The following PODXL2 variants were observed in gnomAD, a reference collection of about 807,000 sequenced individuals.
PODXL2 encodes podocalyxin-like protein 2.
Under a neutral mutation model 53.4 loss-of-function variants are expected in PODXL2, and 17 were observed. That is an observed-to-expected ratio of 0.32 (90% CI 0.22 to 0.48). The LOEUF (loss-of-function observed/expected upper bound fraction) is 0.48, where lower values mean the gene tolerates loss of function less well. PODXL2 is among the 20% of genes least tolerant of loss of function. PODXL2 has a pLI of 0.99. For synonymous variants in PODXL2, 311 were observed against 306.7 expected, an observed-to-expected ratio of 1.01 and a Z score of -0.15; for missense variants, 673 against 760.0, an observed-to-expected ratio of 0.89 and a Z score of 1.35.
In PODXL2 at chr3:127,629,663, C is replaced by G. The variant is rs891836297; in HGVS notation, c.70+374C>G. Among the ~76,000 whole-genome samples the G allele has an allele frequency of 1.3e-5, 2 of 152,022 alleles. No individual in the cohort carries two copies. Among genetic ancestry groups the G allele is most frequent in the Non-Finnish European group, 2.9e-5 (2 of 67,990 alleles). On this transcript the variant is annotated intron_variant, in intron 1 of 7. Coordinates refer to ENST00000342480, the MANE Select transcript of PODXL2 (RefSeq NM_015720.4). The surrounding 1 kb of genome is among the most constrained non-coding windows in gnomAD (Gnocchi z 6.4). ...GTGTGTGTGCGAGTGCATTGTGTGC[C>G]TGCGCACTCGGGGGAAGAGGCGTGT...
At chr3:127,659,229 C>T (rs929805416) in intron 2 of PODXL2, among the ~76,000 whole-genome samples, 4 of 152,186 alleles carry the variant, frequency 2.6e-5, no homozygotes, top group African/African-American at 9.7e-5. Context: ...CACAGTTGTG[C>T]CTCTTCCTAA....
rs1473078664 is a variant in PODXL2 at position 127,629,615 on chromosome 3, T to A, written c.70+326T>A. ...GGCCGGGGGGGCGCGCACGTGTGGG[T>A]GTGCATGTGTGTGCGTGTGCTTGTG... On this transcript the variant is annotated intron_variant, in intron 1 of 7. Transcript: ENST00000342480. This position sits in a 1 kb window ranked among gnomAD's most constrained non-coding sequence, Gnocchi z 6.4. Among the ~76,000 whole-genome samples, 1 of 151,370 alleles carries A rather than the reference T, an allele frequency of 6.6e-6. No homozygotes were observed. The highest frequency in any genetic ancestry group is 2.4e-5 in the African/African-American group (1 of 41,144).
intron 1 of PODXL2, among the ~76,000 whole-genome samples, chr3:127,633,720 C>A (rs894927586): frequency 2.0e-5 from 3 of 151,958 alleles, no homozygotes; most frequent in Admixed American, 6.6e-5. Flanking sequence ...ACAATGGAGG[C>A]TGTATGAAGG....
At chr3:127,643,927 G>A (rs1469549735) in intron 2 of PODXL2, among the ~76,000 whole-genome samples, 16 of 151,908 alleles carry the variant, frequency 1.1e-4, no homozygotes, top group Non-Finnish European at 2.4e-4. Flanking sequence ...GTGTGAGCCA[G>A]CACGCCTGGC....
At chr3:127,651,023 G>A (rs1323516529) in intron 2 of PODXL2, among the ~76,000 whole-genome samples, 3 of 152,134 alleles carry the variant, frequency 2.0e-5, no homozygotes, top group South Asian at 2.1e-4. Flanking sequence ...CCAACGCTTC[G>A]GGAGGCCGAG....
In PODXL2 at chr3:127,639,141, C is replaced by G; in HGVS notation, c.71-104C>G. ...GTTTTCAGGAGTGTCCACTGAAGTC[C>G]CCCCTTCCCCAGGACCTTTGTCATT... On this transcript the variant is annotated intron_variant, in intron 1 of 7. Transcript: ENST00000342480. 3 of 1,185,772 alleles carry G rather than the reference C, an allele frequency of 2.5e-6. No homozygotes were observed. In the South Asian group the frequency reaches 4.7e-5, roughly 19 times the overall value. The allele number at this position is 1,185,772 out of a possible 1,614,324, so 73.5% of individuals were successfully genotyped here. A position where few individuals can be genotyped will look rare whatever the true frequency, so the allele number is the denominator to read the frequency against.
At chr3:127,663,071 G>T (rs2074777307) in intron 4 of PODXL2, among the ~76,000 whole-genome samples, 1 of 152,194 alleles carries the variant, frequency 6.6e-6, no homozygotes, top group African/African-American at 2.4e-5. Context: ...CTAGGTCAGA[G>T]ACCCTCTGTT....
At chr3:127,644,685 T>C (rs1362640617) in intron 2 of PODXL2, among the ~76,000 whole-genome samples, 1 of 152,188 alleles carries the variant, frequency 6.6e-6, no homozygotes, top group African/African-American at 2.4e-5. Context: ...TAAAAATAGC[T>C]CTCATTCATT....
chr3:127,661,301 T>A (rs1298818336), intron 3 of PODXL2, 142 bp downstream of exon 3: 1 of 642,280 alleles, frequency 1.6e-6, no homozygotes, highest in East Asian at 2.7e-5. Flanking sequence ...CCCATGGAAC[T>A]TGTGGGGATG....
Position 127,649,862 on chromosome 3 carries a change from A to G in PODXL2, c.349+10339A>G, listed in dbSNP as rs144474810. 7.1e-3 allele frequency among the ~76,000 whole-genome samples: 1,088 copies of G among 152,300 alleles called. 12 individuals carry two copies. The highest frequency in any genetic ancestry group is 0.024 in the African/African-American group (978 of 41,568). On this transcript the variant is annotated intron_variant, in intron 2 of 7. Transcript: ENST00000342480. The stretch of plus-strand genomic sequence containing the variant: ...TGAAGCAGGAGAATTGCTTGAACGC[A>G]GGAGACAGAGGCTGCAGTGAGCCCA...
rs187836933 is a variant in PODXL2 at position 127,635,013 on chromosome 3, T to C, written c.71-4232T>C. Reference sequence around the variant, plus strand: ...CGTCTCTCATGTCTACACATCTATGTTTCTGTATCGTCTCTGCTGTTTTGC... The same window carrying C: ...CGTCTCTCATGTCTACACATCTATGCTTCTGTATCGTCTCTGCTGTTTTGC... On this transcript the variant is annotated intron_variant, in intron 1 of 7. Transcript: ENST00000342480. Among the ~76,000 whole-genome samples the C allele has an allele frequency of 3.2e-3, 483 of 152,356 alleles. 1 individual carries two copies. The highest frequency in any genetic ancestry group is 5.0e-3 in the Non-Finnish European group (342 of 68,040).
intron 1 of PODXL2, among the ~76,000 whole-genome samples, chr3:127,630,361 C>T (rs2074535754): frequency 6.6e-6 from 1 of 152,214 alleles, no homozygotes; most frequent in African/African-American, 2.4e-5. Context: ...CATCAGCCAG[C>T]TGTAACTTCA....
intron 4 of PODXL2, among the ~76,000 whole-genome samples, chr3:127,666,491 T>C (rs2074795614): frequency 6.6e-6 from 1 of 152,144 alleles, no homozygotes; most frequent in African/African-American, 2.4e-5. Flanking sequence ...TACTGCAGCC[T>C]CAACTGCCCA....
At chr3:127,648,575 G>T (rs1274126954) in intron 2 of PODXL2, among the ~76,000 whole-genome samples, 1 of 150,854 alleles carries the variant, frequency 6.6e-6, no homozygotes, top group African/African-American at 2.4e-5. Flanking sequence ...CTATAATCCA[G>T]TGATTCAGTC....
chr3:127,633,556 C>T (rs2074560437), intron 1 of PODXL2, among the ~76,000 whole-genome samples: 1 of 151,734 alleles, frequency 6.6e-6, no homozygotes. Flanking sequence ...GACCTTAATC[C>T]CACCAGGCCT....
intron 2 of PODXL2, among the ~76,000 whole-genome samples, chr3:127,639,902 T>C (rs1439634685): frequency 6.6e-6 from 1 of 152,244 alleles, no homozygotes; most frequent in Non-Finnish European, 1.5e-5. Context: ...TTCAGACCTA[T>C]GGCTTTCCAA....
At chr3:127,670,917 C>A (rs973456925) in intron 6 of PODXL2, among the ~76,000 whole-genome samples, 2 of 152,250 alleles carry the variant, frequency 1.3e-5, no homozygotes, top group African/African-American at 4.8e-5. Context: ...AGCTGGGCAG[C>A]CGGGGTGGCC....
In PODXL2 at chr3:127,662,261, C is replaced by A; in HGVS notation, c.1156C>A (p.Leu386Met). ...TQVICKDWSN[L>M]AGKNYIILNM... is the part of the protein sequence containing the mutation. ...GGTGATCTGCAAGGACTGGAGCAAT[C>A]TGGCTGGGAAAAACTACATCATTCT... The change falls in exon 4 of 8, where the codon CTG becomes ATG. Residue 386 changes from leucine (L) to methionine (M), a missense_variant. This residue lies in a region of PODXL2 where 588 missense variants were observed against 668.3 expected (regional missense o/e 0.88). Coordinates refer to ENST00000342480, the MANE Select transcript of PODXL2 (RefSeq NM_015720.4). 6.2e-7 allele frequency: 1 copy of A among 1,614,118 alleles called. No individual in the cohort carries two copies. The highest frequency in any genetic ancestry group is 8.5e-7 in the Non-Finnish European group (1 of 1,179,960).
Position 127,629,927 on chromosome 3 carries a change from G to GCAGCTCA in PODXL2, c.70+641_70+647dup, listed in dbSNP as rs1427807945. On this transcript the variant is annotated intron_variant, in intron 1 of 7. Transcript: ENST00000342480. The surrounding 1 kb of genome is among the most constrained non-coding windows in gnomAD (Gnocchi z 6.4). ...ACAGCACACGGCGGGAGGCTCCCAC[G>GCAGCTCA]CAGCTCACACACGAGGGAGGTGTGA... is the stretch of plus-strand genomic sequence containing the variant. Among the ~76,000 whole-genome samples, 12 of 152,134 alleles carry GCAGCTCA rather than the reference G, an allele frequency of 7.9e-5. No individual in the cohort carries two copies. The highest frequency in any genetic ancestry group is 2.9e-4 in the African/African-American group (12 of 41,414).
Sources: allele counts gnomAD v4.1 joint callset (sites outside exome capture counted in the v4.1 genomes callset), GRCh38; gene constraint gnomAD v4.1.1; regional missense constraint gnomAD v4.1.1; non-coding constraint Gnocchi (gnomAD v3.1); transcripts MANE v1.5; gene names NCBI Gene and HGNC (gene_info 2026-07-23, HGNC 2026-07-21).